TBXAS1: variants seen among roughly 807,000 people sequenced by gnomAD.
TBXAS1 encodes thromboxane-A synthase.
Under a neutral mutation model 60.7 loss-of-function variants are expected in TBXAS1, and 48 were observed. The observed-to-expected ratio is 0.79, with a 90% confidence interval of 0.63 to 1.01. The LOEUF is 1.01. Ranked by LOEUF, TBXAS1 falls within the 50% of genes least tolerant of loss-of-function variation. The pLI is 0.00. For missense variants in TBXAS1, 685 were observed against 686.3 expected (o/e 1.00, Z 0.02); for synonymous variants, 287 against 269.7 (o/e 1.06, Z -0.63).
At chr7:139,957,790 C>T in intron 8 of TBXAS1, 26 bp downstream of exon 8, 1 of 1,613,830 alleles carries the variant, frequency 6.2e-7, no homozygotes, top group Non-Finnish European at 8.5e-7. Context: ...AGGACACAGC[C>T]TTGAAATGGA....
chr7:139,918,664 A>C (rs1283586198), intron 4 of TBXAS1, among the ~76,000 whole-genome samples: 2 of 152,208 alleles, frequency 1.3e-5, no homozygotes, highest in Non-Finnish European at 2.9e-5. Context: ...CAGTGGATAA[A>C]ATGCTGGAAC....
intron 9 of TBXAS1, among the ~76,000 whole-genome samples, chr7:139,969,703 C>A (rs1257800334): frequency 6.6e-6 from 1 of 152,176 alleles, no homozygotes; most frequent in African/African-American, 2.4e-5. Context: ...AAGGTTTCCT[C>A]CCCTTTGCCC....
chr7:139,842,065 G>A (rs1432631273), intron 1 of TBXAS1, among the ~76,000 whole-genome samples: 1 of 152,142 alleles, frequency 6.6e-6, no homozygotes, highest in Non-Finnish European at 1.5e-5. Flanking sequence ...CAGAAGAGGT[G>A]TATGAACCAG....
intron 9 of TBXAS1, among the ~76,000 whole-genome samples, chr7:139,993,409 C>T (rs1320740899): frequency 2.0e-5 from 3 of 152,156 alleles, no homozygotes; most frequent in East Asian, 1.9e-4. Context: ...CAATTGTAAG[C>T]GAAGTCCCTG....
In TBXAS1 at chr7:139,852,996, C is replaced by G. The variant is rs1800331217; in HGVS notation, c.90-19239C>G. Among the ~76,000 whole-genome samples the G allele has an allele frequency of 6.9e-6, 1 of 145,956 alleles. No homozygotes were observed. Among genetic ancestry groups the G allele is most frequent in the African/African-American group, 2.6e-5 (1 of 39,108 alleles). On this transcript the variant is annotated intron_variant, in intron 1 of 12. Coordinates refer to ENST00000448866, the MANE Select transcript of TBXAS1 (RefSeq NM_001061.7). The surrounding 1 kb of genome is among the most constrained non-coding windows in gnomAD (Gnocchi z 4.4). ...CACACACACACACACACACAGTTGGCCAAAGAAGCAACCTGTCTGCTCTGC... is the reference window on the plus strand; with the variant it reads ...CACACACACACACACACACAGTTGGGCAAAGAAGCAACCTGTCTGCTCTGC...
intron 9 of TBXAS1, among the ~76,000 whole-genome samples, chr7:139,974,854 C>T (rs1017188671): frequency 2.0e-5 from 3 of 152,168 alleles, no homozygotes; most frequent in Non-Finnish European, 4.4e-5. Context: ...ACTTGATACT[C>T]ACAATGGCTG....
intron 6 of TBXAS1, among the ~76,000 whole-genome samples, chr7:139,954,161 A>G (rs1254235519): frequency 6.6e-6 from 1 of 152,256 alleles, no homozygotes; most frequent in African/African-American, 2.4e-5. Flanking sequence ...CATGGCTTAC[A>G]GCAGATAAAG....
At chr7:139,966,578 C>G (rs1261824125) in intron 9 of TBXAS1, among the ~76,000 whole-genome samples, 2 of 152,234 alleles carry the variant, frequency 1.3e-5, no homozygotes, top group Admixed American at 1.3e-4. Context: ...TTTGAACAGT[C>G]TCAACTCAGT....
intron 9 of TBXAS1, among the ~76,000 whole-genome samples, chr7:139,990,403 C>A (rs6957475): frequency 6.6e-5 from 10 of 152,218 alleles, no homozygotes; most frequent in African/African-American, 2.4e-5. Context: ...CTACCTGTGT[C>A]TCCTGGCGGA....
At chr7:140,010,867 T>C (rs1814551499) in intron 10 of TBXAS1, among the ~76,000 whole-genome samples, 2 of 152,112 alleles carry the variant, frequency 1.3e-5, no homozygotes, top group African/African-American at 4.8e-5. Context: ...TTAGGATATT[T>C]AGGGAAGTCC....
chr7:139,992,986 C>G (rs1813033060), intron 9 of TBXAS1, among the ~76,000 whole-genome samples: 1 of 152,124 alleles, frequency 6.6e-6, no homozygotes, highest in Admixed American at 6.5e-5. Flanking sequence ...GCCTGGTTAA[C>G]ACGGAAAAAC....
At chr7:139,946,998 G>A (rs921412647) in intron 5 of TBXAS1, among the ~76,000 whole-genome samples, 3 of 152,218 alleles carry the variant, frequency 2.0e-5, no homozygotes, top group African/African-American at 4.8e-5. Context: ...AAAAGGAGAG[G>A]AGAAGAAGAC....
chr7:140,003,297 C>T lies in TBXAS1; in HGVS notation c.1135-3794C>T, dbSNP rs374015472. Among the ~76,000 whole-genome samples the T allele has an allele frequency of 4.6e-5, 7 of 151,804 alleles. No homozygotes were observed. In the South Asian group the frequency reaches 6.3e-4, roughly 14 times the overall value. ...TCAGCTCACTGCAACCTCCACCTCC[C>T]GGTTCAAGCGATTCTCCTGCCTCAG... On this transcript the variant is annotated intron_variant, in intron 9 of 12. Coordinates refer to ENST00000448866, the MANE Select transcript of TBXAS1 (RefSeq NM_001061.7).
At chr7:139,850,260 C>T (rs8192809) in intron 1 of TBXAS1, among the ~76,000 whole-genome samples, 1 of 152,306 alleles carries the variant, frequency 6.6e-6, no homozygotes, top group East Asian at 1.9e-4. Flanking sequence ...GAATCAGCCA[C>T]AAAATCCCAT....
intron 6 of TBXAS1, among the ~76,000 whole-genome samples, chr7:139,954,837 A>C (rs1472686796): frequency 6.6e-6 from 1 of 152,196 alleles, no homozygotes; most frequent in African/African-American, 2.4e-5. Flanking sequence ...GTAATAATAT[A>C]CAGATGTTCA....
chr7:139,924,482 CA>C (rs1436755375), intron 4 of TBXAS1, among the ~76,000 whole-genome samples: 1 of 151,664 alleles, frequency 6.6e-6, no homozygotes, highest in Non-Finnish European at 1.5e-5. Context: ...ACATCTTTTG[CA>C]TGTTTTTTTA....
chr7:139,963,806 C>A (rs768258466), intron 9 of TBXAS1, among the ~76,000 whole-genome samples: 1 of 152,170 alleles, frequency 6.6e-6, no homozygotes, highest in Non-Finnish European at 1.5e-5. Flanking sequence ...TTTAATTGAG[C>A]AGCTCAGGAA....
At chr7:139,980,595 G>A (rs1449674870) in intron 9 of TBXAS1, among the ~76,000 whole-genome samples, 1 of 151,652 alleles carries the variant, frequency 6.6e-6, no homozygotes, top group African/African-American at 2.4e-5. Flanking sequence ...ACCTTAAGGA[G>A]GAGTTTCCTA....
chr7:139,889,702 G>T (rs1179889765), intron 3 of TBXAS1, among the ~76,000 whole-genome samples: 1 of 152,142 alleles, frequency 6.6e-6, no homozygotes, highest in Non-Finnish European at 1.5e-5. Flanking sequence ...ACCCTCCCGT[G>T]GTGGAAGAGG....
Sources: allele counts gnomAD v4.1 joint callset (sites outside exome capture counted in the v4.1 genomes callset), GRCh38; gene constraint gnomAD v4.1.1; non-coding constraint Gnocchi (gnomAD v3.1); transcripts MANE v1.5; gene names NCBI Gene and HGNC (gene_info 2026-07-23, HGNC 2026-07-21).